TMEM44: variants seen among roughly 807,000 people sequenced by gnomAD.
TMEM44 encodes the protein transmembrane protein 44.
Under a neutral mutation model 47.8 loss-of-function variants are expected in TMEM44, and 43 were observed. That is an observed-to-expected ratio of 0.90 (90% CI 0.70 to 1.16). The LOEUF (loss-of-function observed/expected upper bound fraction) is 1.16, where lower values mean the gene tolerates loss of function less well. Among genes scored for constraint, TMEM44 ranks in the 50% most tolerant of loss-of-function variants. The pLI, the probability that TMEM44 is intolerant of heterozygous loss-of-function variation, is 0.00. For missense variants in TMEM44, 568 were observed against 555.2 expected (o/e 1.02, Z -0.23); for synonymous variants, 277 against 238.8 (o/e 1.16, Z -1.48).
At chr3:194,603,860 T>G (rs1026074071) in intron 9 of TMEM44, among the ~76,000 whole-genome samples, 1 of 148,350 alleles carries the variant, frequency 6.7e-6, no homozygotes, top group African/African-American at 2.6e-5. Context: ...TCATTTTTTT[T>G]TTGTTTTTTT....
chr3:194,623,105 G>T, intron 5 of TMEM44, 119 bp downstream of exon 5: 1 of 944,078 alleles, frequency 1.1e-6, no homozygotes, highest in Non-Finnish European at 1.6e-6. Context: ...GAAAAGCTGA[G>T]CCCATGTCCA....
chr3:194,625,462 T>G (rs1309292804), intron 3 of TMEM44, among the ~76,000 whole-genome samples: 2 of 152,132 alleles, frequency 1.3e-5, no homozygotes, highest in Non-Finnish European at 2.9e-5. Flanking sequence ...TTTTTTGTTT[T>G]TTTTGAGACG....
At chr3:194,597,701 G>A (rs935573352) in intron 9 of TMEM44, among the ~76,000 whole-genome samples, 4 of 151,778 alleles carry the variant, frequency 2.6e-5, no homozygotes, top group African/African-American at 9.7e-5. Flanking sequence ...ACCTACAGGA[G>A]CAGTGAACTT....
intron 3 of TMEM44, among the ~76,000 whole-genome samples, chr3:194,624,728 C>T (rs6796335): frequency 0.84 from 125,727 of 150,330 alleles, 52,678 homozygotes; most frequent in East Asian, 0.97. Flanking sequence ...GGTTCATCCC[C>T]TTTTTTTTTT....
chr3:194,604,497 G>A (rs1203573310), intron 8 of TMEM44, 52 bp from the exon 9 acceptor site: 28 of 1,454,612 alleles, frequency 1.9e-5, no homozygotes, highest in African/African-American at 7.1e-5. Flanking sequence ...TAGTTTTGAT[G>A]GTTGAATTGT....
intron 1 of TMEM44, among the ~76,000 whole-genome samples, chr3:194,629,539 C>G (rs983586406): frequency 6.6e-6 from 1 of 152,124 alleles, no homozygotes; most frequent in African/African-American, 2.4e-5. Context: ...CTGTATCTAT[C>G]GGCGTCACTG....
chr3:194,612,712 T>G (rs1382022207), intron 7 of TMEM44, among the ~76,000 whole-genome samples: 1 of 152,204 alleles, frequency 6.6e-6, no homozygotes, highest in East Asian at 1.9e-4. Flanking sequence ...TCGCCCAGGC[T>G]GGAGTGCAGT....
chr3:194,602,700 C>T (rs955576565), intron 9 of TMEM44, among the ~76,000 whole-genome samples: 5 of 151,884 alleles, frequency 3.3e-5, no homozygotes, highest in African/African-American at 1.2e-4. Flanking sequence ...GCGAAAGGGC[C>T]AGAGAAGAGT....
intron 5 of TMEM44, chr3:194,622,547 CTTTTTTTTTTT>C (rs746646409): frequency 7.6e-6 from 1 of 131,776 alleles, no homozygotes; most frequent in African/African-American, 2.8e-5. Flanking sequence ...ATAAGACACT[CTTTTTTTTTTT>C]TTTTTTTTTA....
chr3:194,617,890 A>C (rs1286901366), intron 5 of TMEM44: 3 of 609,408 alleles, frequency 4.9e-6, no homozygotes, highest in Non-Finnish European at 8.8e-6. Context: ...GGCTGTTCAA[A>C]AATGTGTGTG....
chr3:194,623,078 A>T, intron 5 of TMEM44, 146 bp downstream of exon 5: 1 of 732,854 alleles, frequency 1.4e-6, no homozygotes, highest in South Asian at 2.2e-5. Flanking sequence ...GCTGTCATAC[A>T]CACTAACGCT....
intron 7 of TMEM44, 106 bp downstream of exon 7, chr3:194,615,463 G>T (rs1056466685): frequency 6.9e-7 from 1 of 1,458,082 alleles, no homozygotes; most frequent in Non-Finnish European, 9.2e-7. Flanking sequence ...GAGAACACTC[G>T]GCAGGCAGCT....
Position 194,594,455 on chromosome 3 carries a change from T to G in TMEM44, c.1177-5816A>C, listed in dbSNP as rs114256534. Among the ~76,000 whole-genome samples, 1,104 of 152,062 alleles carry G rather than the reference T, an allele frequency of 7.3e-3. 13 individuals carry two copies. Among genetic ancestry groups the G allele is most frequent in the African/African-American group, 0.023 (946 of 41,476 alleles). ...TAGGATTACAGGCATGAGCCACTGC[T>G]CCCAGCCAGGCGTAAATCATTTCAT... On this transcript the variant is annotated intron_variant, in intron 9 of 9. Coordinates refer to ENST00000347147, the MANE Select transcript of TMEM44 (RefSeq NM_001011655.3).
intron 2 of TMEM44, among the ~76,000 whole-genome samples, chr3:194,626,681 G>GTTT (rs61419904): frequency 1.1e-4 from 15 of 133,110 alleles, no homozygotes; most frequent in Admixed American, 1.6e-4. Flanking sequence ...ATGTAGTTAA[G>GTTT]TTTTTTTTTT....
intron 1 of TMEM44, 93 bp downstream of exon 1, chr3:194,632,986 T>C (rs993590388): frequency 6.7e-7 from 1 of 1,483,566 alleles, no homozygotes; most frequent in Non-Finnish European, 9.0e-7. Flanking sequence ...TCATCCCCCT[T>C]TCCGCCCCCT....
intron 6 of TMEM44, 47 bp downstream of exon 6, chr3:194,617,052 C>T (rs1051764436): frequency 6.9e-7 from 1 of 1,444,788 alleles, no homozygotes; most frequent in East Asian, 2.6e-5. Context: ...GAGACACAGG[C>T]CTCCTCTGGC....
intron 9 of TMEM44, among the ~76,000 whole-genome samples, chr3:194,594,885 C>T (rs1713215567): frequency 6.6e-6 from 1 of 152,166 alleles, no homozygotes; most frequent in Non-Finnish European, 1.5e-5. Flanking sequence ...AGGAAGAGCG[C>T]CCTCTAGTGG....
At chr3:194,631,477 C>G (rs1717823625) in intron 1 of TMEM44, among the ~76,000 whole-genome samples, 2 of 152,198 alleles carry the variant, frequency 1.3e-5, no homozygotes, top group African/African-American at 4.8e-5. Flanking sequence ...CCTGCTGGCC[C>G]AAGCCTGAAG....
At chr3:194,628,589 G>A in intron 1 of TMEM44, 80 bp from the exon 2 acceptor site, 1 of 1,476,692 alleles carries the variant, frequency 6.8e-7, no homozygotes, top group Non-Finnish European at 9.1e-7. Flanking sequence ...GGGCAACTGT[G>A]ACCCCGCATC....
Sources: gnomAD v4.1 joint callset for allele counts (sites outside exome capture counted in the v4.1 genomes callset) on GRCh38, gnomAD v4.1.1 for gene constraint, MANE v1.5 for transcripts, NCBI Gene and HGNC (gene_info 2026-07-23, HGNC 2026-07-21) for gene names.